Variants in TMEM131 observed in about 807,000 individuals in gnomAD.
TMEM131 encodes the protein 2610524E03Rik.
Under a neutral mutation model 211.6 loss-of-function variants are expected in TMEM131, and 66 were observed. The observed-to-expected ratio is 0.31, with a 90% CI of 0.26 to 0.38. The LOEUF is 0.38. Among genes scored for constraint, TMEM131 ranks in the 10% least tolerant of loss-of-function variants. The pLI, the probability that TMEM131 is intolerant of heterozygous loss-of-function variation, is 1.00. For missense variants in TMEM131, 2,036 were observed against 2,299.3 expected, an observed-to-expected ratio of 0.89 and a Z score of 2.34; for synonymous variants, 844 against 841.3, an observed-to-expected ratio of 1.00 and a Z score of -0.06.
intron 31 of TMEM131, 130 bp downstream of exon 31, chr2:97,792,254 CTG>C: frequency 3.0e-6 from 2 of 676,234 alleles, no homozygotes; most frequent in South Asian, 5.2e-5. Flanking sequence ...AAGTCCAACA[CTG>C]GAGATAAATC....
At chr2:97,800,884 T>C (rs1192267242) in intron 25 of TMEM131, among the ~76,000 whole-genome samples, 1 of 152,218 alleles carries the variant, frequency 6.6e-6, no homozygotes, top group Non-Finnish European at 1.5e-5. Flanking sequence ...CACGAAAAGA[T>C]TCCCAGAGCC....
At chr2:97,782,627 C>T (rs574495478) in intron 31 of TMEM131, among the ~76,000 whole-genome samples, 5 of 152,044 alleles carry the variant, frequency 3.3e-5, no homozygotes, top group African/African-American at 1.2e-4. Context: ...GAAAAAACAG[C>T]CACAGCAAAG....
chr2:97,760,868 T>C lies in TMEM131; in HGVS notation c.4936A>G (p.Lys1646Glu). 1 of 1,614,042 alleles carries C rather than the reference T, an allele frequency of 6.2e-7. No homozygotes were observed. Among genetic ancestry groups the C allele is most frequent in the South Asian group, 1.1e-5 (1 of 91,086 alleles). The change falls in exon 37 of 41, where the codon AAG becomes GAG. Residue 1646 changes from lysine to glutamate, a missense_variant. Transcript: ENST00000186436. ...QPNGSKHKLT[K>E]AASLPGKNGN... is the part of the protein sequence containing the mutation. Reference sequence around the variant, plus strand: ...TTCTTGCCCGGGAGCGAGGCTGCCTTTGTCAACTTGTGTTTGCTTCCATTT... The same window carrying C: ...TTCTTGCCCGGGAGCGAGGCTGCCTCTGTCAACTTGTGTTTGCTTCCATTT...
At chr2:97,879,854 C>A (rs1674852059) in intron 4 of TMEM131, among the ~76,000 whole-genome samples, 1 of 151,982 alleles carries the variant, frequency 6.6e-6, no homozygotes, top group Non-Finnish European at 1.5e-5. Flanking sequence ...CAAAAGTAGG[C>A]TATTAGTAGT....
At chr2:97,985,732 C>A (rs11886243) in intron 1 of TMEM131, among the ~76,000 whole-genome samples, 16 of 151,094 alleles carry the variant, frequency 1.1e-4, no homozygotes, top group African/African-American at 3.9e-4. Flanking sequence ...GATCCCAGTA[C>A]ATAACAGAAT....
intron 1 of TMEM131, among the ~76,000 whole-genome samples, chr2:97,940,796 C>G (rs13404788): frequency 0.35 from 51,025 of 144,266 alleles, 9,679 homozygotes; most frequent in Middle Eastern, 0.49. Flanking sequence ...GCGACAGAGC[C>G]AGACTCCATC....
intron 1 of TMEM131, among the ~76,000 whole-genome samples, chr2:97,994,322 G>C (rs2104694899): frequency 6.6e-6 from 1 of 152,272 alleles, no homozygotes; most frequent in South Asian, 2.1e-4. Flanking sequence ...ACAATTCTTT[G>C]AATAATTTCC....
rs145468704 is a variant in TMEM131, at chr2:97,885,686, T to C, written c.359+2366A>G. On this transcript the variant is annotated intron_variant, in intron 4 of 40. Coordinates refer to ENST00000186436, the MANE Select transcript of TMEM131 (RefSeq NM_015348.2). ...TTCCCTTATATGTGACTTGACACTT[T>C]TCTCTTGCTACTTTTAGAATTCTTT... Among the ~76,000 whole-genome samples the C allele has an allele frequency of 7.9e-5, 12 of 152,298 alleles. No homozygotes were observed. The East Asian group carries it at 2.1e-3, about 27-fold the overall frequency.
chr2:97,807,851 A>C (rs528099925), intron 19 of TMEM131, among the ~76,000 whole-genome samples: 1 of 152,110 alleles, frequency 6.6e-6, no homozygotes. Flanking sequence ...TAGTATAGTC[A>C]GTACAAAGTG....
chr2:97,850,557 T>G (rs147727476), intron 5 of TMEM131, among the ~76,000 whole-genome samples: 1 of 152,102 alleles, frequency 6.6e-6, no homozygotes, highest in Non-Finnish European at 1.5e-5. Flanking sequence ...GACTGTAACA[T>G]GGGTCTCAAT....
chr2:97,883,349 A>G (rs10520549), intron 4 of TMEM131, among the ~76,000 whole-genome samples: 16,316 of 152,108 alleles, frequency 0.11, 1,326 homozygotes, highest in Non-Finnish European at 0.16. Context: ...GCTTCAAATA[A>G]ATTTTCTTTA....
At chr2:97,875,550 C>G (rs1471132315) in intron 4 of TMEM131, among the ~76,000 whole-genome samples, 2 of 152,172 alleles carry the variant, frequency 1.3e-5, no homozygotes, top group African/African-American at 4.8e-5. Context: ...AATTCGAACT[C>G]AGGATTAAGA....
At chr2:97,759,918 T>C (rs1573311332) in intron 38 of TMEM131, 169 bp from the exon 39 acceptor site, 1 of 605,670 alleles carries the variant, frequency 1.7e-6, no homozygotes, top group African/African-American at 1.8e-5. Context: ...ACCACAAGGG[T>C]TGAGTCGGAG....
At chr2:97,795,948 TTC>T (rs1344144522) in intron 28 of TMEM131, among the ~76,000 whole-genome samples, 1 of 152,208 alleles carries the variant, frequency 6.6e-6, no homozygotes, top group Non-Finnish European at 1.5e-5. Flanking sequence ...TGAAATTGAT[TTC>T]TAAGATTATC....
At chr2:97,862,040 CTGTT>C (rs1213828566) in intron 4 of TMEM131, among the ~76,000 whole-genome samples, 2 of 152,138 alleles carry the variant, frequency 1.3e-5, no homozygotes, top group African/African-American at 2.4e-5. Flanking sequence ...GAGAGAGAGA[CTGTT>C]TGTTTGGGAG....
In TMEM131 at chr2:97,795,212, A is replaced by C. The variant is rs1680702772; in HGVS notation, c.3201-97T>G. The C allele has an allele frequency of 1.3e-5, 11 of 841,984 alleles. No homozygotes were observed. The South Asian group carries it at 2.5e-4, about 19-fold the overall frequency. 52.2% of individuals were successfully genotyped at this position (841,984 alleles called of 1,614,324 possible). On this transcript the variant is annotated intron_variant, in intron 28 of 40. Coordinates refer to ENST00000186436, the MANE Select transcript of TMEM131 (RefSeq NM_015348.2). Reference sequence around the variant, plus strand: ...CCTATAAGCCTTTGAAATATAACACAGAATTTGCGTTTGATACTTTTACTC... The same window carrying C: ...CCTATAAGCCTTTGAAATATAACACCGAATTTGCGTTTGATACTTTTACTC...
At chr2:97,922,226 C>A (rs1460653068) in intron 2 of TMEM131, among the ~76,000 whole-genome samples, 1 of 152,194 alleles carries the variant, frequency 6.6e-6, no homozygotes, top group East Asian at 1.9e-4. Context: ...AATGCCACCA[C>A]TGATCTGACA....
intron 5 of TMEM131, among the ~76,000 whole-genome samples, chr2:97,856,436 T>C (rs1181695131): frequency 2.0e-5 from 3 of 152,202 alleles, no homozygotes; most frequent in African/African-American, 7.2e-5. Context: ...ACAAGATTAC[T>C]TGCATGTGCG....
intron 1 of TMEM131, among the ~76,000 whole-genome samples, chr2:97,985,923 G>A (rs1368027816): frequency 1.3e-5 from 2 of 150,534 alleles, no homozygotes; most frequent in Non-Finnish European, 2.9e-5. Context: ...GGGGTGTTAA[G>A]GTATCAGAAA....
Sources: gnomAD v4.1 joint callset for allele counts (sites outside exome capture counted in the v4.1 genomes callset) on GRCh38, gnomAD v4.1.1 for gene constraint, MANE v1.5 for transcripts, NCBI Gene and HGNC (gene_info 2026-07-23, HGNC 2026-07-21) for gene names.